Variants in PRKD1 observed in about 807,000 individuals in gnomAD.
PRKD1 encodes protein kinase D1, also known as serine/threonine-protein kinase D1.
PRKD1 carries 63 observed loss-of-function variants against 95.9 expected under a neutral mutation model. That is an observed-to-expected ratio of 0.66 (90% confidence interval 0.54 to 0.81). PRKD1 has a LOEUF of 0.81. Among genes scored for constraint, PRKD1 ranks in the 30% least tolerant of loss-of-function variants. The pLI is 0.00. For missense variants in PRKD1, 1,048 were observed against 1,165.3 expected, an observed-to-expected ratio of 0.90 and a Z score of 1.47; for synonymous variants, 425 against 423.1, an observed-to-expected ratio of 1.00 and a Z score of -0.05.
At chr14:29,677,468 T>C (rs570517116) in intron 2 of PRKD1, among the ~76,000 whole-genome samples, 3 of 152,332 alleles carry the variant, frequency 2.0e-5, no homozygotes, top group Non-Finnish European at 2.9e-5. Context: ...CACTTTGTCC[T>C]TCTCCAATAT....
At chr14:29,782,468 CT>C (rs1276102794) in intron 1 of PRKD1, among the ~76,000 whole-genome samples, 1 of 152,038 alleles carries the variant, frequency 6.6e-6, no homozygotes, top group East Asian at 1.9e-4. Flanking sequence ...ACGATTCTTT[CT>C]TTTTTTCATT....
intron 1 of PRKD1, among the ~76,000 whole-genome samples, chr14:29,796,937 G>GT (rs1482128222): frequency 1.3e-5 from 2 of 152,094 alleles, no homozygotes; most frequent in Non-Finnish European, 2.9e-5. Flanking sequence ...GTTGTTATTT[G>GT]TTTTTTAAGA....
intron 1 of PRKD1, among the ~76,000 whole-genome samples, chr14:29,806,437 C>G (rs915935532): frequency 3.3e-5 from 5 of 151,334 alleles, no homozygotes; most frequent in African/African-American, 1.2e-4. Flanking sequence ...CTCTGCCTGG[C>G]CTTCAGGTTG....
chr14:29,649,681 C>T (rs1342156727), intron 4 of PRKD1, among the ~76,000 whole-genome samples: 1 of 151,860 alleles, frequency 6.6e-6, no homozygotes, highest in Non-Finnish European at 1.5e-5. Flanking sequence ...TTTGGCTGGC[C>T]CTTCAACATT....
intron 1 of PRKD1, among the ~76,000 whole-genome samples, chr14:29,770,930 C>CAAAAAAAAAAAAAAAAA (rs753745571): frequency 2.1e-5 from 1 of 47,148 alleles, no homozygotes; most frequent in African/African-American, 6.0e-5. Flanking sequence ...AGACACTGTC[C>CAAAAAAAAAAAAAAAAA]AAAAAAAAAA....
At chr14:29,595,027 G>A (rs549241275) in intron 16 of PRKD1, among the ~76,000 whole-genome samples, 20 of 149,358 alleles carry the variant, frequency 1.3e-4, no homozygotes, top group African/African-American at 2.5e-4. Flanking sequence ...GCTTTAGTTC[G>A]CAAACAGTAA....
chr14:29,724,566 T>TA (rs898607690), intron 2 of PRKD1, among the ~76,000 whole-genome samples: 3 of 152,026 alleles, frequency 2.0e-5, no homozygotes, highest in Non-Finnish European at 4.4e-5. Context: ...CCAATAAAGA[T>TA]AAAAAAGAGA....
chr14:29,722,788 T>C (rs2139386795), intron 2 of PRKD1, among the ~76,000 whole-genome samples: 1 of 152,282 alleles, frequency 6.6e-6, no homozygotes, highest in Non-Finnish European at 1.5e-5. Context: ...CTAACAGGTA[T>C]TGCAGGCCCT....
chr14:29,758,784 C>T lies in PRKD1; in HGVS notation c.265-33110G>A, dbSNP rs1489562995. The stretch of plus-strand genomic sequence containing the variant: ...ACATAAAGCCCACCTTCCTCCATAA[C>T]ATGTAAAGCCAGGATTAGAGAAGTC... On this transcript the variant is annotated intron_variant, in intron 1 of 17. Coordinates refer to ENST00000331968, the MANE Select transcript of PRKD1 (RefSeq NM_002742.3). 6.6e-5 allele frequency among the ~76,000 whole-genome samples: 10 copies of T among 152,204 alleles called. No individual in the cohort carries two copies. The South Asian group carries it at 1.2e-3, about 19-fold the overall frequency.
At chr14:29,658,495 T>C (rs964319266) in intron 4 of PRKD1, among the ~76,000 whole-genome samples, 6 of 152,080 alleles carry the variant, frequency 3.9e-5, no homozygotes, top group African/African-American at 1.4e-4. Flanking sequence ...TTTTTTTTTT[T>C]CAGAATATTT....
chr14:29,858,372 T>G (rs960837114), intron 1 of PRKD1, among the ~76,000 whole-genome samples: 1 of 152,170 alleles, frequency 6.6e-6, no homozygotes, highest in Non-Finnish European at 1.5e-5. Flanking sequence ...TCAGTAAATA[T>G]TTGTTGAATA....
At chr14:29,797,651 G>A (rs1056472978) in intron 1 of PRKD1, among the ~76,000 whole-genome samples, 1 of 152,010 alleles carries the variant, frequency 6.6e-6, no homozygotes, top group African/African-American at 2.4e-5. Flanking sequence ...CAGACCCTTC[G>A]TCCTCTTGGG....
chr14:29,714,832 A>G (rs1335355252), intron 2 of PRKD1, among the ~76,000 whole-genome samples: 4 of 152,162 alleles, frequency 2.6e-5, no homozygotes, highest in Non-Finnish European at 1.5e-5. Context: ...ACCAGAAACT[A>G]TCATTCTCAG....
intron 1 of PRKD1, 37 bp downstream of exon 1, chr14:29,927,212 G>A (rs1895334528): frequency 2.1e-6 from 3 of 1,461,328 alleles, no homozygotes; most frequent in African/African-American, 1.5e-5. Context: ...CCTGCGCCGC[G>A]GGGAGGCGCC....
chr14:29,914,777 CTTT>C (rs112898460), intron 1 of PRKD1, among the ~76,000 whole-genome samples: 1 of 144,310 alleles, frequency 6.9e-6, no homozygotes. Flanking sequence ...CTTTTCTTTT[CTTT>C]TTTTTTTTTT....
chr14:29,725,221 TTTC>T, intron 2 of PRKD1, among the ~76,000 whole-genome samples: 1 of 152,222 alleles, frequency 6.6e-6, no homozygotes, highest in Middle Eastern at 3.4e-3. Flanking sequence ...TGTTGGTGAG[TTTC>T]TTGTTTGCTT....
At chr14:29,826,829 A>ACC (rs1276303390) in intron 1 of PRKD1, among the ~76,000 whole-genome samples, 1 of 30,588 alleles carries the variant, frequency 3.3e-5, no homozygotes, top group Non-Finnish European at 6.6e-5. Context: ...ATATATATAT[A>ACC]TATATATATA....
At chr14:29,607,233 C>T (rs1878046750) in intron 13 of PRKD1, among the ~76,000 whole-genome samples, 1 of 152,166 alleles carries the variant, frequency 6.6e-6, no homozygotes, top group Non-Finnish European at 1.5e-5. Context: ...GCCTTTCACC[C>T]AACAGAGGCT....
At chr14:29,694,495 A>C (rs1884407047) in intron 2 of PRKD1, among the ~76,000 whole-genome samples, 1 of 152,240 alleles carries the variant, frequency 6.6e-6, no homozygotes, top group African/African-American at 2.4e-5. Flanking sequence ...AGAAATATTT[A>C]CTGATCATCT....
Sources: allele counts gnomAD v4.1 joint callset (sites outside exome capture counted in the v4.1 genomes callset), GRCh38; gene constraint gnomAD v4.1.1; transcripts MANE v1.5; gene names NCBI Gene and HGNC (gene_info 2026-07-23, HGNC 2026-07-21).